Variants in SNTG1 observed in about 807,000 individuals in gnomAD.
The protein encoded by SNTG1 is gamma-1-syntrophin.
In SNTG1, 39 loss-of-function variants were observed where a neutral mutation model predicts 74.7. The ratio of observed to expected loss-of-function variants is 0.52; its 90% CI spans 0.40 to 0.68. The LOEUF is 0.68. Among genes scored for constraint, SNTG1 ranks in the 30% least tolerant of loss-of-function variants. SNTG1 has a pLI of 0.00. For synonymous variants in SNTG1, 254 were observed against 217.1 expected (o/e 1.17, Z -1.49); for missense variants, 685 against 609.5 (o/e 1.12, Z -1.30).
At chr8:50,677,836 C>T (rs1011251660) in intron 15 of SNTG1, among the ~76,000 whole-genome samples, 1 of 151,768 alleles carries the variant, frequency 6.6e-6, no homozygotes, top group Non-Finnish European at 1.5e-5. Context: ...TTTGCAGTGC[C>T]AGTTTTCAAT....
At chr8:50,553,475 T>G (rs2094438852) in intron 12 of SNTG1, among the ~76,000 whole-genome samples, 1 of 152,160 alleles carries the variant, frequency 6.6e-6, no homozygotes, top group African/African-American at 2.4e-5. Context: ...CATTCGGGAA[T>G]AATATAGTAC....
At chr8:50,241,158 A>G (rs940007767) in intron 2 of SNTG1, among the ~76,000 whole-genome samples, 5 of 152,218 alleles carry the variant, frequency 3.3e-5, no homozygotes, top group Admixed American at 6.5e-5. Context: ...ATACTTCCAG[A>G]GTTAATGTAT....
intron 1 of SNTG1, among the ~76,000 whole-genome samples, chr8:50,153,670 C>G (rs2082151328): frequency 6.6e-6 from 1 of 152,198 alleles, no homozygotes; most frequent in South Asian, 2.1e-4. Context: ...GAGGTCCACT[C>G]CAGACCCTGT....
intron 2 of SNTG1, among the ~76,000 whole-genome samples, chr8:50,380,064 G>A (rs370362682): frequency 3.3e-5 from 5 of 152,338 alleles, no homozygotes; most frequent in Admixed American, 6.5e-5. Flanking sequence ...ACCTCGGGAC[G>A]TTTACGTTTG....
chr8:50,419,200 G>GA (rs199677997), intron 4 of SNTG1, among the ~76,000 whole-genome samples: 7,393 of 150,472 alleles, frequency 0.049, 217 homozygotes, highest in Middle Eastern at 0.097. Flanking sequence ...TTTCTTTCTA[G>GA]AAAAAAAAAT....
intron 1 of SNTG1, among the ~76,000 whole-genome samples, chr8:50,115,753 G>C (rs546244210): frequency 1.3e-5 from 2 of 151,964 alleles, no homozygotes; most frequent in South Asian, 2.1e-4. Flanking sequence ...ATTACATTAA[G>C]TCAATGACCC....
chr8:50,472,995 T>A (rs1563435734), intron 8 of SNTG1, among the ~76,000 whole-genome samples: 1 of 152,112 alleles, frequency 6.6e-6, no homozygotes, highest in African/African-American at 2.4e-5. Context: ...TCAAACCAGT[T>A]AGGAATGCCA....
chr8:50,640,631 T>C (rs1156428398), intron 13 of SNTG1, among the ~76,000 whole-genome samples: 3 of 152,156 alleles, frequency 2.0e-5, no homozygotes, highest in Non-Finnish European at 4.4e-5. Context: ...AATCTCTGGA[T>C]CATTATCAAA....
rs531303098 is a variant in SNTG1, at chr8:50,687,593, T to G, written c.1039-17007T>G. On this transcript the variant is annotated intron_variant, in intron 15 of 18. Transcript: ENST00000642720. ...ACGTTCTTTTTTTATTATTATAATT[T>G]AAGTTTTAGGGTACATGTGCACAAC... Among the ~76,000 whole-genome samples the G allele has an allele frequency of 1.4e-4, 22 of 152,280 alleles. No homozygotes were observed. The East Asian group carries it at 3.3e-3, about 23-fold the overall frequency.
chr8:50,617,691 G>A (rs930415973), intron 13 of SNTG1, among the ~76,000 whole-genome samples: 1 of 152,194 alleles, frequency 6.6e-6, no homozygotes, highest in Non-Finnish European at 1.5e-5. Flanking sequence ...ACTCTAAGGG[G>A]TTCCCGTGAG....
At chr8:50,581,955 G>A (rs1391060632) in intron 12 of SNTG1, among the ~76,000 whole-genome samples, 2 of 152,174 alleles carry the variant, frequency 1.3e-5, no homozygotes, top group Middle Eastern at 3.2e-3. Flanking sequence ...AGGAGGTTAA[G>A]AAATTTCTTG....
intron 1 of SNTG1, among the ~76,000 whole-genome samples, chr8:49,960,443 T>C (rs913893054): frequency 3.3e-5 from 5 of 152,150 alleles, no homozygotes; most frequent in African/African-American, 9.7e-5. Flanking sequence ...ATATACAGAA[T>C]TGATTGCTAA....
intron 1 of SNTG1, among the ~76,000 whole-genome samples, chr8:50,015,825 C>T (rs1173914020): frequency 1.3e-5 from 2 of 152,074 alleles, no homozygotes. Flanking sequence ...AAAACATTCT[C>T]TGCAAAAAAA....
chr8:50,084,527 T>A (rs956973652), intron 1 of SNTG1, among the ~76,000 whole-genome samples: 3 of 152,134 alleles, frequency 2.0e-5, no homozygotes, highest in Non-Finnish European at 4.4e-5. Context: ...ATGACCAAAA[T>A]CTATATGACC....
chr8:50,240,363 A>G (rs117235813), intron 2 of SNTG1, among the ~76,000 whole-genome samples: 3 of 152,214 alleles, frequency 2.0e-5, no homozygotes, highest in Admixed American at 6.5e-5. Context: ...ACCAGAATTC[A>G]TAATTTCTCC....
At chr8:50,615,280 A>C (rs1373537849) in intron 13 of SNTG1, among the ~76,000 whole-genome samples, 1 of 152,158 alleles carries the variant, frequency 6.6e-6, no homozygotes, top group Non-Finnish European at 1.5e-5. Flanking sequence ...AAGTTAATGA[A>C]TATTGAATAG....
intron 1 of SNTG1, among the ~76,000 whole-genome samples, chr8:50,092,334 A>G (rs532566138): frequency 2.6e-5 from 4 of 152,188 alleles, no homozygotes; most frequent in Non-Finnish European, 1.5e-5. Flanking sequence ...TTTGAGAGCC[A>G]CTGAGGCAGC....
chr8:50,043,192 A>G (rs1462719192), intron 1 of SNTG1, among the ~76,000 whole-genome samples: 2 of 152,202 alleles, frequency 1.3e-5, no homozygotes, highest in African/African-American at 4.8e-5. Context: ...AATTTTCTTT[A>G]TCAGTAGAGA....
At chr8:50,346,644 A>G (rs1456513408) in intron 2 of SNTG1, among the ~76,000 whole-genome samples, 1 of 152,240 alleles carries the variant, frequency 6.6e-6, no homozygotes, top group Non-Finnish European at 1.5e-5. Flanking sequence ...GTGCCAAACA[A>G]CAAAGTTGTG....
Sources: allele counts gnomAD v4.1 joint callset (sites outside exome capture counted in the v4.1 genomes callset), GRCh38; gene constraint gnomAD v4.1.1; transcripts MANE v1.5; gene names NCBI Gene and HGNC (gene_info 2026-07-23, HGNC 2026-07-21).